Variants in NTNG1 observed in about 807,000 individuals in gnomAD.
NTNG1 encodes netrin G1.
A neutral mutation model predicts 54.0 loss-of-function variants in NTNG1; 16 were observed. The ratio of observed to expected loss-of-function variants is 0.30; its 90% confidence interval spans 0.20 to 0.45. The LOEUF is 0.45. NTNG1 is among the 20% of genes least tolerant of loss of function. The pLI, the probability that NTNG1 is intolerant of heterozygous loss-of-function variation, is 1.00. For missense variants in NTNG1, 530 were observed against 678.7 expected (o/e 0.78, Z 2.43); for synonymous variants, 255 against 263.1 (o/e 0.97, Z 0.30).
At chr1:107,413,163 T>C (rs980130509) in intron 5 of NTNG1, among the ~76,000 whole-genome samples, 2 of 151,724 alleles carry the variant, frequency 1.3e-5, no homozygotes, top group Non-Finnish European at 2.9e-5. Flanking sequence ...TTCATTTTTT[T>C]TTTCATTTTT....
chr1:107,375,586 C>T (rs765447905), intron 3 of NTNG1, among the ~76,000 whole-genome samples: 51 of 152,258 alleles, frequency 3.3e-4, no homozygotes, highest in African/African-American at 1.2e-3. Context: ...GGCTAAAGTG[C>T]CCTTATTGGA....
chr1:107,388,408 A>G (rs1672151603), intron 3 of NTNG1, among the ~76,000 whole-genome samples: 1 of 152,216 alleles, frequency 6.6e-6, no homozygotes, highest in African/African-American at 2.4e-5. Context: ...CTGCAGTTGT[A>G]AGAGCAAAGT....
intron 7 of NTNG1, among the ~76,000 whole-genome samples, chr1:107,437,192 A>G (rs1429404293): frequency 6.6e-6 from 1 of 152,246 alleles, no homozygotes; most frequent in East Asian, 1.9e-4. Context: ...CATAAATTAA[A>G]TGATATCTAC....
chr1:107,281,743 T>C (rs1251215610), intron 2 of NTNG1, among the ~76,000 whole-genome samples: 1 of 152,168 alleles, frequency 6.6e-6, no homozygotes, highest in African/African-American at 2.4e-5. Flanking sequence ...GGCTACTGCA[T>C]ATCAATATTT....
chr1:107,360,861 C>T (rs1335439003), intron 3 of NTNG1, among the ~76,000 whole-genome samples: 1 of 152,040 alleles, frequency 6.6e-6, no homozygotes, highest in African/African-American at 2.4e-5. Flanking sequence ...ATCTCTCGTC[C>T]ATGCCTCCAG....
At position 107,142,522 on chromosome 1, in the gene NTNG1, C is replaced by A. The variant is rs1349426949; in HGVS notation, c.-526+1382C>A. ...TATACAGGGAATAATGGAGCCACTC[C>A]TCATAACAAATTGTCAATCTTTGGA... On this transcript the variant is annotated intron_variant, in intron 1 of 7. Coordinates refer to ENST00000370068, the MANE Select transcript of NTNG1 (RefSeq NM_001113226.3). Among the ~76,000 whole-genome samples, 3 of 151,970 alleles carry A rather than the reference C, an allele frequency of 2.0e-5. No individual in the cohort carries two copies. In the South Asian group the frequency reaches 6.2e-4, roughly 31 times the overall value.
chr1:107,421,179 T>C, intron 5 of NTNG1: 2 of 1,408,764 alleles, frequency 1.4e-6, no homozygotes, highest in Admixed American at 1.7e-5. Flanking sequence ...GATTTCATGG[T>C]GTTATGTGTT....
At chr1:107,251,155 G>C (rs1045143792) in intron 2 of NTNG1, among the ~76,000 whole-genome samples, 3 of 152,126 alleles carry the variant, frequency 2.0e-5, no homozygotes, top group Non-Finnish European at 4.4e-5. Flanking sequence ...CTAGTTGAAA[G>C]ATTTACCTAA....
At chr1:107,314,435 ATAAATAAAT>A (rs1425070467) in intron 2 of NTNG1, among the ~76,000 whole-genome samples, 3 of 151,226 alleles carry the variant, frequency 2.0e-5, no homozygotes, top group African/African-American at 7.4e-5. Flanking sequence ...AAATAAATAA[ATAAATAAAT>A]AAAAATGAGA....
intron 3 of NTNG1, among the ~76,000 whole-genome samples, chr1:107,357,091 C>T (rs1263603549): frequency 6.6e-6 from 1 of 152,178 alleles, no homozygotes; most frequent in South Asian, 2.1e-4. Context: ...CCAGACAACA[C>T]AAATCACCAA....
At chr1:107,247,075 C>A (rs1456156538) in intron 2 of NTNG1, among the ~76,000 whole-genome samples, 1 of 152,084 alleles carries the variant, frequency 6.6e-6, no homozygotes, top group Non-Finnish European at 1.5e-5. Context: ...TTGAGGAGAC[C>A]ACTGTGAGGC....
intron 7 of NTNG1, among the ~76,000 whole-genome samples, chr1:107,457,835 A>C (rs753423890): frequency 7.9e-5 from 12 of 152,126 alleles, no homozygotes; most frequent in Non-Finnish European, 1.6e-4. Flanking sequence ...TCTAAGAAAA[A>C]GCACATAAAT....
intron 4 of NTNG1, among the ~76,000 whole-genome samples, chr1:107,396,491 G>GA (rs919934244): frequency 2.6e-5 from 4 of 151,888 alleles, no homozygotes; most frequent in Admixed American, 1.3e-4. Flanking sequence ...CAGTGTTAAA[G>GA]AAAAAAAACT....
chr1:107,177,663 G>C (rs992561391), intron 2 of NTNG1, among the ~76,000 whole-genome samples: 1 of 152,104 alleles, frequency 6.6e-6, no homozygotes, highest in African/African-American at 2.4e-5. Flanking sequence ...AACTGTTGCT[G>C]ATTTGCTTCT....
chr1:107,341,529 C>T (rs1668895332), intron 3 of NTNG1, among the ~76,000 whole-genome samples: 2 of 152,054 alleles, frequency 1.3e-5, no homozygotes, highest in African/African-American at 2.4e-5. Flanking sequence ...CCCATTTCCT[C>T]TGGGTTGCAG....
intron 6 of NTNG1, among the ~76,000 whole-genome samples, chr1:107,434,510 CTG>C (rs1457974262): frequency 6.6e-6 from 1 of 152,196 alleles, no homozygotes; most frequent in African/African-American, 2.4e-5. Flanking sequence ...TGAGTAATCA[CTG>C]TTAATAATCC....
At chr1:107,414,060 G>C (rs1674026842) in intron 5 of NTNG1, among the ~76,000 whole-genome samples, 1 of 152,116 alleles carries the variant, frequency 6.6e-6, no homozygotes, top group Non-Finnish European at 1.5e-5. Context: ...ATATTCTAAA[G>C]CAACTCTACC....
chr1:107,430,985 A>G (rs1675225576), intron 6 of NTNG1, 68 bp downstream of exon 6: 1 of 1,489,658 alleles, frequency 6.7e-7, no homozygotes, highest in South Asian at 1.2e-5. Flanking sequence ...TTTAGGGTGG[A>G]GAGGCTGGCG....
intron 1 of NTNG1, among the ~76,000 whole-genome samples, chr1:107,141,732 T>G (rs1313236728): frequency 6.6e-6 from 1 of 152,092 alleles, no homozygotes; most frequent in Non-Finnish European, 1.5e-5. Context: ...TCTTGTTGTG[T>G]CCGGAGCCCA....
Sources: gnomAD v4.1 joint callset for allele counts (sites outside exome capture counted in the v4.1 genomes callset) on GRCh38, gnomAD v4.1.1 for gene constraint, MANE v1.5 for transcripts, NCBI Gene and HGNC (gene_info 2026-07-23, HGNC 2026-07-21) for gene names.